OTUD4: variants seen among roughly 807,000 people sequenced by gnomAD.
The protein encoded by OTUD4 is OTU deubiquitinase 4.
OTUD4 carries 24 observed loss-of-function variants against 130.4 expected under a neutral mutation model. That is an observed-to-expected ratio of 0.18 (90% CI 0.13 to 0.26). The LOEUF is 0.26. Among genes scored for constraint, OTUD4 ranks in the 10% least tolerant of loss-of-function variants. The pLI is 1.00. For missense variants in OTUD4, 1,031 were observed against 1,329.4 expected, an observed-to-expected ratio of 0.78 and a Z score of 3.49; for synonymous variants, 420 against 472.5, an observed-to-expected ratio of 0.89 and a Z score of 1.44.
chr4:145,137,190 C>T lies in OTUD4; in HGVS notation c.*240G>A, dbSNP rs555181414. 1.5e-4 allele frequency: 60 copies of T among 397,840 alleles called. No homozygotes were observed. Among genetic ancestry groups the T allele is most frequent in the African/African-American group, 9.6e-4 (47 of 48,810 alleles). The allele number at this position is 397,840 out of a possible 1,614,324, so 24.6% of individuals were successfully genotyped here. A position where few individuals can be genotyped will look rare whatever the true frequency, so the allele number is the denominator to read the frequency against. On this transcript the variant is annotated 3_prime_UTR_variant, in exon 21 of 21. Transcript: ENST00000447906. Reference sequence around the variant, plus strand: ...TAACAAACTTATCTTCTACTTTTTACGGGGACAGTCACTTGATCAACAAAC... The same window carrying T: ...TAACAAACTTATCTTCTACTTTTTATGGGGACAGTCACTTGATCAACAAAC...
chr4:145,151,145 A>T (rs781590470), intron 11 of OTUD4, among the ~76,000 whole-genome samples: 2 of 152,206 alleles, frequency 1.3e-5, no homozygotes, highest in Non-Finnish European at 2.9e-5. Context: ...TCACAATCTA[A>T]GCAAAAGTTA....
In OTUD4 at chr4:145,180,540, C is replaced by A. The variant is rs889837482; in HGVS notation, c.-567G>T. ...GGGCGCCCGGGAGAGAACAGCACCTCGCAGCCCAGAATTTGTTTTCGCTTT... is the reference window on the plus strand; with the variant it reads ...GGGCGCCCGGGAGAGAACAGCACCTAGCAGCCCAGAATTTGTTTTCGCTTT... On this transcript the variant is annotated 5_prime_UTR_variant, in exon 1 of 21. Transcript: ENST00000447906. 6.6e-6 allele frequency among the ~76,000 whole-genome samples: 1 copy of A among 152,234 alleles called. No individual in the cohort carries two copies. Among genetic ancestry groups the A allele is most frequent in the African/African-American group, 2.4e-5 (1 of 41,466 alleles).
chr4:145,168,903 T>C (rs1752013357), intron 3 of OTUD4, among the ~76,000 whole-genome samples: 1 of 152,218 alleles, frequency 6.6e-6, no homozygotes, highest in Non-Finnish European at 1.5e-5. Flanking sequence ...AACTTAAATA[T>C]CAATCAGCTG....
At chr4:145,141,203 T>C (rs964872935) in intron 19 of OTUD4, among the ~76,000 whole-genome samples, 176 bp downstream of exon 19, 1 of 151,974 alleles carries the variant, frequency 6.6e-6, no homozygotes, top group Non-Finnish European at 1.5e-5. Context: ...TAATACATTT[T>C]CTAATAAATC....
intron 3 of OTUD4, among the ~76,000 whole-genome samples, chr4:145,169,588 G>T (rs1006152802): frequency 1.3e-5 from 2 of 152,152 alleles, no homozygotes; most frequent in Admixed American, 6.5e-5. Flanking sequence ...AGGTTCAAGC[G>T]ATTCTCCTGC....
chr4:145,147,553 T>TACC (rs1750884218), intron 13 of OTUD4, among the ~76,000 whole-genome samples: 1 of 152,188 alleles, frequency 6.6e-6, no homozygotes, highest in Admixed American at 6.5e-5. Context: ...CATCCTCACC[T>TACC]ACCACACAGA....
At position 145,180,512 on chromosome 4, in the gene OTUD4, T is replaced by TG. The variant is rs1257066800; in HGVS notation, c.-540dup. Among the ~76,000 whole-genome samples, 1 of 152,052 alleles carries TG rather than the reference T, an allele frequency of 6.6e-6. No homozygotes were observed. Among genetic ancestry groups the TG allele is most frequent in the African/African-American group, 2.4e-5 (1 of 41,396 alleles). ...GGGCGCCGGAGGGGCAGGGAGCGGG[T>TG]GGGGGCGCCCGGGAGAGAACAGCAC... On this transcript the variant is annotated 5_prime_UTR_variant, in exon 1 of 21. Transcript: ENST00000447906.
intron 1 of OTUD4, 43 bp downstream of exon 1, chr4:145,179,772 T>TGC: frequency 1.4e-5 from 11 of 788,408 alleles, no homozygotes; most frequent in Non-Finnish European, 2.0e-5. Flanking sequence ...CGCCGGGCCG[T>TGC]CCCCGCCTCC....
At position 145,138,446 on chromosome 4, in the gene OTUD4, T is replaced by A. The variant is rs746004244; in HGVS notation, c.2329A>T (p.Asn777Tyr). The part of the protein sequence containing the change: ...HFPMQTEASV[N>Y]GQMPQPEIGP... ...ATCTCTGGCTGTGGCATTTGACCAT[T>A]AACACTGGCCTCAGTCTGCATAGGA... is the stretch of plus-strand genomic sequence containing the variant. Residue 777 changes from asparagine to tyrosine, a missense_variant, in exon 21 of 21, where the codon AAT becomes TAT. Physicochemically the swap from Asn to Tyr is moderately radical, Grantham distance 143. Around this residue, in one of 3 missense-constraint regions of OTUD4, gnomAD observed 900 missense variants for 1,095.9 expected, o/e 0.82. Transcript: ENST00000447906. 1.9e-6 allele frequency: 3 copies of A among 1,614,142 alleles called. No individual in the cohort carries two copies. Among genetic ancestry groups the A allele is most frequent in the Non-Finnish European group, 2.5e-6 (3 of 1,180,026 alleles).
At chr4:145,159,867 A>G (rs1160653920) in intron 6 of OTUD4, among the ~76,000 whole-genome samples, 1 of 152,208 alleles carries the variant, frequency 6.6e-6, no homozygotes, top group Non-Finnish European at 1.5e-5. Context: ...AGACAGTGCC[A>G]TTTTTAAAAC....
rs376275174 is a variant in OTUD4 at position 145,165,133 on chromosome 4, T to C, written c.341+18A>G. On this transcript the variant is annotated intron_variant, in intron 4 of 20. Transcript: ENST00000447906. ...CACTGGTTTCATTTTCTTTTACTTA[T>C]GTTATTACAGTGTTTACCTGTACAT... 1.5e-5 allele frequency: 22 copies of C among 1,458,370 alleles called. No homozygotes were observed. The African/African-American group carries it at 1.7e-4, about 11-fold the overall frequency. The allele number at this position is 1,458,370 out of a possible 1,614,324, so 90.3% of individuals were successfully genotyped here.
intron 4 of OTUD4, 26 bp from the exon 5 acceptor site, chr4:145,164,252 T>C (rs1751735834): frequency 2.0e-6 from 2 of 989,256 alleles, no homozygotes; most frequent in Admixed American, 4.5e-5. Context: ...AGAAATTATT[T>C]ATAATGGACT....
chr4:145,172,137 G>C (rs527959057), intron 2 of OTUD4, among the ~76,000 whole-genome samples: 89 of 152,332 alleles, frequency 5.8e-4, no homozygotes, highest in South Asian at 3.9e-3. Context: ...GAACCCAAAG[G>C]GGGGCCTGTT....
chr4:145,175,897 T>G (rs539703861), intron 1 of OTUD4, among the ~76,000 whole-genome samples: 1 of 151,604 alleles, frequency 6.6e-6, no homozygotes, highest in East Asian at 1.9e-4. Flanking sequence ...TCCCAATTCT[T>G]TTTTCCCCCA....
At position 145,179,794 on chromosome 4, in the gene OTUD4, TC is replaced by T. The variant is rs766187036; in HGVS notation, c.159+20del. ...CCGTCCCCGCCTCCCCTCGAAGCCC[TC>T]CCCGCCCCCCCGCAATTACCTGCTC... On this transcript the variant is annotated intron_variant, in intron 1 of 20. Coordinates refer to ENST00000447906, the MANE Select transcript of OTUD4 (RefSeq NM_001366057.1). The T allele has an allele frequency of 7.6e-5, 15 of 198,424 alleles. No homozygotes were observed. The highest frequency in any genetic ancestry group is 6.2e-4 in the South Asian group (14 of 22,668). The allele number at this position is 198,424 out of a possible 1,614,324, so 12.3% of individuals were successfully genotyped here. A position where few individuals can be genotyped will look rare whatever the true frequency, so the allele number is the denominator to read the frequency against.
At chr4:145,169,486 A>G (rs1418409769) in intron 3 of OTUD4, among the ~76,000 whole-genome samples, 3 of 152,074 alleles carry the variant, frequency 2.0e-5, no homozygotes, top group African/African-American at 7.2e-5. Flanking sequence ...GCAAAAAAAT[A>G]TATTTATTTA....
chr4:145,138,994 T>G (rs1460949760), intron 20 of OTUD4, among the ~76,000 whole-genome samples: 1 of 152,154 alleles, frequency 6.6e-6, no homozygotes, highest in Non-Finnish European at 1.5e-5. Context: ...CCAGTTAACA[T>G]CTGAATTTGT....
Position 145,138,243 on chromosome 4 carries a change from G to A in OTUD4, c.2532C>T (p.Pro844=), listed in dbSNP as rs749433728. The part of the protein sequence containing the change: ...KNMFPQPSFG[P]NPFLGPVPIA... ...TAGGAACTGGGCCTAAGAATGGATT[G>A]GGTCCAAAAGATGGCTGGGGGAACA... The change falls in exon 21 of 21, where the codon CCC becomes CCT. Residue 844 remains proline (P), a synonymous_variant. Coordinates refer to ENST00000447906, the MANE Select transcript of OTUD4 (RefSeq NM_001366057.1). The A allele has an allele frequency of 3.7e-6, 6 of 1,613,920 alleles. No individual in the cohort carries two copies. Among genetic ancestry groups the A allele is most frequent in the East Asian group, 2.2e-5 (1 of 44,878 alleles).
At chr4:145,143,309 G>A (rs1042651427) in intron 17 of OTUD4, 56 bp downstream of exon 17, 5 of 1,101,354 alleles carry the variant, frequency 4.5e-6, no homozygotes, top group Non-Finnish European at 6.9e-6. Flanking sequence ...CCTATACACA[G>A]AGCACAGAAA....
Sources: allele counts gnomAD v4.1 joint callset (sites outside exome capture counted in the v4.1 genomes callset), GRCh38; gene constraint gnomAD v4.1.1; regional missense constraint gnomAD v4.1.1; transcripts MANE v1.5; gene names NCBI Gene and HGNC (gene_info 2026-07-23, HGNC 2026-07-21).